Variants in OR2L13 observed in about 807,000 individuals in gnomAD.
OR2L13 encodes olfactory receptor family 2 subfamily L member 13.
OR2L13 carries 14 observed loss-of-function variants against 15.3 expected under a neutral mutation model. The ratio of observed to expected loss-of-function variants is 0.91; its 90% CI spans 0.60 to 1.43. OR2L13 has a LOEUF of 1.43. Among genes scored for constraint, OR2L13 ranks in the 40% most tolerant of loss-of-function variants. The pLI, the probability that OR2L13 is intolerant of heterozygous loss-of-function variation, is 0.00. For missense variants in OR2L13, 367 were observed against 387.9 expected (o/e 0.95, Z 0.45); for synonymous variants, 152 against 142.9 (o/e 1.06, Z -0.45).
chr1:248,058,372 C>T, the OR2L13 span, among the ~76,000 whole-genome samples: 2 of 152,126 alleles, frequency 1.3e-5, no homozygotes, highest in African/African-American at 2.4e-5. Context: ...AGTAACTGCT[C>T]CCTCCTCCGT....
chr1:248,066,688 G>C, the OR2L13 span, among the ~76,000 whole-genome samples: 1 of 152,096 alleles, frequency 6.6e-6, no homozygotes, highest in Non-Finnish European at 1.5e-5. Context: ...GTCTTCCTCA[G>C]TCCCTCTATT....
At chr1:248,092,245 C>T (rs1664613157), upstream of OR2L13, among the ~76,000 whole-genome samples, 1 of 152,122 alleles carries the variant, frequency 6.6e-6, no homozygotes, top group African/African-American at 2.4e-5. Context: ...GACTTCCTTC[C>T]TTCCTGTTTA....
chr1:248,022,184 G>C, the OR2L13 span: 1 of 1,614,014 alleles, frequency 6.2e-7, no homozygotes, highest in South Asian at 1.1e-5. Context: ...TTGTTCCTAA[G>C]ATGGCTTCTG....
At chr1:248,074,423 A>T in the OR2L13 span, among the ~76,000 whole-genome samples, 1 of 152,160 alleles carries the variant, frequency 6.6e-6, no homozygotes. Flanking sequence ...TTCATTGACG[A>T]TATGATTCTA....
the OR2L13 span, among the ~76,000 whole-genome samples, chr1:247,962,153 G>A: frequency 6.6e-6 from 1 of 152,182 alleles, no homozygotes; most frequent in Admixed American, 6.5e-5. Context: ...TTTCACAGAA[G>A]TTGTGCCTTT....
the OR2L13 span, among the ~76,000 whole-genome samples, chr1:247,986,828 G>A: frequency 1.6e-4 from 25 of 152,090 alleles, no homozygotes; most frequent in South Asian, 1.9e-3. Context: ...GGTCCTTCAC[G>A]TCCGTTGTAA....
chr1:247,989,315 C>G, the OR2L13 span, among the ~76,000 whole-genome samples: 2 of 152,092 alleles, frequency 1.3e-5, 1 homozygote. Flanking sequence ...CCAAATGAGC[C>G]ATAGGCTGCT....
chr1:248,094,594 A>T (rs1664675602), upstream of OR2L13, among the ~76,000 whole-genome samples: 1 of 152,208 alleles, frequency 6.6e-6, no homozygotes, highest in South Asian at 2.1e-4. Flanking sequence ...TCTGACTCTA[A>T]ATGCTCATTT....
At chr1:248,005,673 G>GT in the OR2L13 span, among the ~76,000 whole-genome samples, 1 of 152,114 alleles carries the variant, frequency 6.6e-6, no homozygotes, top group African/African-American at 2.4e-5. Context: ...AGCATTGGAT[G>GT]TTTTCCCATT....
the OR2L13 span, chr1:248,061,151 C>T: frequency 6.2e-7 from 1 of 1,613,300 alleles, no homozygotes; most frequent in East Asian, 2.2e-5. Flanking sequence ...AATGCTTGTG[C>T]TCACACTGTA....
At chr1:247,939,877 A>T in the OR2L13 span, among the ~76,000 whole-genome samples, 1 of 152,206 alleles carries the variant, frequency 6.6e-6, no homozygotes, top group Non-Finnish European at 1.5e-5. Flanking sequence ...AAGATAACCT[A>T]AGGCTTCCAC....
chr1:248,050,551 G>A, the OR2L13 span, among the ~76,000 whole-genome samples: 1 of 152,124 alleles, frequency 6.6e-6, no homozygotes, highest in Admixed American at 6.5e-5. Context: ...TACATTGGCA[G>A]TCATAAAACA....
the OR2L13 span, chr1:247,948,778 C>A: frequency 8.5e-7 from 1 of 1,170,208 alleles, no homozygotes. Context: ...GCTTGGAATG[C>A]ATCCCCTGCA....
chr1:248,019,090 G>A, the OR2L13 span, among the ~76,000 whole-genome samples: 55 of 152,242 alleles, frequency 3.6e-4, no homozygotes, highest in African/African-American at 1.2e-3. Context: ...TAATACTGCT[G>A]TGAATGTGGC....
At chr1:247,994,573 TAGAAAC>T in the OR2L13 span, among the ~76,000 whole-genome samples, 1 of 152,016 alleles carries the variant, frequency 6.6e-6, no homozygotes, top group Non-Finnish European at 1.5e-5. Flanking sequence ...GTGGAATAGA[TAGAAAC>T]AGAGAGTAAA....
At chr1:248,091,014 A>G (rs569276454), upstream of OR2L13, among the ~76,000 whole-genome samples, 1 of 152,146 alleles carries the variant, frequency 6.6e-6, no homozygotes, top group South Asian at 2.1e-4. Context: ...TGTGGTTTTG[A>G]TATGCATTTC....
the OR2L13 span, among the ~76,000 whole-genome samples, chr1:248,005,742 C>G: frequency 6.6e-6 from 1 of 152,128 alleles, no homozygotes; most frequent in Non-Finnish European, 1.5e-5. Flanking sequence ...TTCTAGTGTT[C>G]TCTTCCATGT....
chr1:248,088,634 C>T, the OR2L13 span, among the ~76,000 whole-genome samples: 1 of 152,048 alleles, frequency 6.6e-6, no homozygotes, highest in Non-Finnish European at 1.5e-5. Context: ...TGATTCTGGC[C>T]TACATATTGT....
At chr1:248,034,131 T>C in the OR2L13 span, among the ~76,000 whole-genome samples, 2,754 of 152,226 alleles carry the variant, frequency 0.018, 74 homozygotes, top group African/African-American at 0.063. Flanking sequence ...TAAGGAAAAC[T>C]ACAAAACACT....
Sources: gnomAD v4.1 joint callset for allele counts (sites outside exome capture counted in the v4.1 genomes callset) on GRCh38, gnomAD v4.1.1 for gene constraint, MANE v1.5 for transcripts, NCBI Gene and HGNC (gene_info 2026-07-23, HGNC 2026-07-21) for gene names.